The following MTMR2 variants were observed in gnomAD, a reference collection of about 807,000 sequenced individuals.
MTMR2 encodes myotubularin related protein 2.
In MTMR2, 55 loss-of-function variants were observed where a neutral mutation model predicts 86.9. The ratio of observed to expected loss-of-function variants is 0.63; its 90% confidence interval spans 0.51 to 0.79. MTMR2 has a LOEUF of 0.79. MTMR2 is among the 30% of genes least tolerant of loss of function. The pLI is 0.00. For missense variants in MTMR2, 659 were observed against 772.3 expected, an observed-to-expected ratio of 0.85 and a Z score of 1.74; for synonymous variants, 241 against 266.8, an observed-to-expected ratio of 0.90 and a Z score of 0.94.
intron 13 of MTMR2, among the ~76,000 whole-genome samples, chr11:95,837,022 A>G (rs150780615): frequency 2.0e-5 from 3 of 152,160 alleles, no homozygotes; most frequent in African/African-American, 7.2e-5. Context: ...TTTTTTTAAA[A>G]ATAATCAATG....
At chr11:95,851,344 A>G (rs1864014696) in intron 7 of MTMR2, among the ~76,000 whole-genome samples, 1 of 150,788 alleles carries the variant, frequency 6.6e-6, no homozygotes, top group Non-Finnish European at 1.5e-5. Context: ...CACCTGGCCA[A>G]ATGTTCCTAT....
intron 5 of MTMR2, among the ~76,000 whole-genome samples, chr11:95,861,753 G>A (rs1590996787): frequency 6.6e-6 from 1 of 152,040 alleles, no homozygotes; most frequent in Non-Finnish European, 1.5e-5. Context: ...AATAAGTTAT[G>A]AATTTGTGAA....
intron 2 of MTMR2, among the ~76,000 whole-genome samples, chr11:95,879,760 A>C (rs1865255400): frequency 6.6e-6 from 1 of 152,170 alleles, no homozygotes. Flanking sequence ...ACATATAAAT[A>C]AACTTAAAAT....
At chr11:95,849,412 T>A (rs1863929418) in intron 9 of MTMR2, among the ~76,000 whole-genome samples, 1 of 152,162 alleles carries the variant, frequency 6.6e-6, no homozygotes, top group African/African-American at 2.4e-5. Context: ...AAGCAAAAGT[T>A]TATGCATTAT....
intron 1 of MTMR2, among the ~76,000 whole-genome samples, chr11:95,910,459 T>G: frequency 6.6e-6 from 1 of 152,064 alleles, no homozygotes; most frequent in Non-Finnish European, 1.5e-5. Context: ...GTATATACAC[T>G]TTAGAGTATA....
intron 1 of MTMR2, among the ~76,000 whole-genome samples, chr11:95,920,993 T>C (rs1866900197): frequency 6.6e-6 from 1 of 152,240 alleles, no homozygotes; most frequent in African/African-American, 2.4e-5. Flanking sequence ...ATCTAATCAA[T>C]ACATTTAAAC....
chr11:95,847,185 C>G (rs985468079), intron 10 of MTMR2, among the ~76,000 whole-genome samples: 5 of 152,122 alleles, frequency 3.3e-5, no homozygotes, highest in Non-Finnish European at 7.4e-5. Context: ...TTTCCCTGAT[C>G]AGAATGGTTT....
rs531510226 is a variant in MTMR2, at chr11:95,847,814, C to T, written c.1079G>A (p.Arg360Lys). ...CTCCTTAAGTTTTCGTAATGATTCT[C>T]TCATAACATGAATATTGTGGATATC... Reference protein sequence around the residue: ...FLDIHNIHVMRESLRKLKEIV... With the variant: ...FLDIHNIHVMKESLRKLKEIV... The change falls in exon 10 of 15, where the codon AGA becomes AAA. Residue 360 changes from arginine (R) to lysine (K), a missense_variant. This residue lies in a region of MTMR2 where 387 missense variants were observed against 526.3 expected (regional missense o/e 0.74). Coordinates refer to ENST00000346299, the MANE Select transcript of MTMR2 (RefSeq NM_016156.6). The T allele has an allele frequency of 1.2e-6, 2 of 1,613,638 alleles. No homozygotes were observed. The highest frequency in any genetic ancestry group is 1.7e-5 in the Admixed American group (1 of 59,996).
At chr11:95,837,804 T>A (rs1048328436) in intron 13 of MTMR2, among the ~76,000 whole-genome samples, 1 of 152,062 alleles carries the variant, frequency 6.6e-6, no homozygotes, top group Non-Finnish European at 1.5e-5. Flanking sequence ...CATGGAAAAA[T>A]TGGTACACTG....
intron 1 of MTMR2, among the ~76,000 whole-genome samples, chr11:95,904,965 G>A (rs538041551): frequency 6.6e-6 from 1 of 152,092 alleles, no homozygotes; most frequent in Non-Finnish European, 1.5e-5. Context: ...AAATGCTTTT[G>A]TCAAGGTCAT....
chr11:95,890,224 G>C (rs574989122), intron 1 of MTMR2, among the ~76,000 whole-genome samples: 1 of 152,084 alleles, frequency 6.6e-6, no homozygotes, highest in Non-Finnish European at 1.5e-5. Flanking sequence ...ATAATGTAAG[G>C]AAAGAAAAAG....
chr11:95,909,491 C>T (rs959473245), intron 1 of MTMR2, among the ~76,000 whole-genome samples: 1 of 152,142 alleles, frequency 6.6e-6, no homozygotes, highest in African/African-American at 2.4e-5. Flanking sequence ...CAGGGGTTCA[C>T]TGATCACATC....
intron 12 of MTMR2, among the ~76,000 whole-genome samples, chr11:95,839,573 A>G (rs1217138917): frequency 6.6e-6 from 1 of 152,142 alleles, no homozygotes; most frequent in Non-Finnish European, 1.5e-5. Context: ...TAAAACCCTC[A>G]GCAGAAGAGA....
At position 95,834,140 on chromosome 11, in the gene MTMR2, G is replaced by A. The variant is rs886048766; in HGVS notation, c.*1150C>T. The stretch of plus-strand genomic sequence containing the variant: ...TTTAATTAAAAGACCAAGGGGACAA[G>A]AAGCTCCTTTGTTACAGTACATTAC... On this transcript the variant is annotated 3_prime_UTR_variant, in exon 15 of 15. Transcript: ENST00000346299. The A allele has an allele frequency of 2.6e-5, 4 of 152,512 alleles. No individual in the cohort carries two copies. The Admixed American group carries it at 2.6e-4, about 10-fold the overall frequency. The allele number at this position is 152,512 out of a possible 1,614,324, so 9.4% of individuals were successfully genotyped here.
intron 1 of MTMR2, among the ~76,000 whole-genome samples, chr11:95,923,537 G>A (rs1377663998): frequency 6.6e-6 from 1 of 151,740 alleles, no homozygotes; most frequent in African/African-American, 2.4e-5. Context: ...GAAATGTGGG[G>A]AAAAGAATGG....
intron 1 of MTMR2, among the ~76,000 whole-genome samples, chr11:95,918,495 T>C (rs982767920): frequency 3.9e-5 from 6 of 152,244 alleles, no homozygotes; most frequent in African/African-American, 1.2e-4. Context: ...TCTTCAAATA[T>C]GTGCTTTCTG....
At chr11:95,892,264 C>T (rs1343420899) in intron 1 of MTMR2, among the ~76,000 whole-genome samples, 5 of 152,054 alleles carry the variant, frequency 3.3e-5, no homozygotes, top group Non-Finnish European at 7.4e-5. Context: ...TGTTCCTTTA[C>T]CCTAATCTAT....
chr11:95,878,083 C>T (rs763452660), intron 2 of MTMR2, among the ~76,000 whole-genome samples: 5 of 150,342 alleles, frequency 3.3e-5, no homozygotes, highest in Non-Finnish European at 5.9e-5. Flanking sequence ...AATTGTGGTA[C>T]GTCATACAAA....
chr11:95,874,322 T>A (rs1332817497), intron 2 of MTMR2, among the ~76,000 whole-genome samples: 23 of 152,244 alleles, frequency 1.5e-4, no homozygotes, highest in Admixed American at 1.5e-3. Context: ...GCTCTTCTTG[T>A]TGAATTGATC....
Sources: allele counts gnomAD v4.1 joint callset (sites outside exome capture counted in the v4.1 genomes callset), GRCh38; gene constraint gnomAD v4.1.1; regional missense constraint gnomAD v4.1.1; transcripts MANE v1.5; gene names NCBI Gene and HGNC (gene_info 2026-07-23, HGNC 2026-07-21).